ANGPT1: variants seen among roughly 807,000 people sequenced by gnomAD.
ANGPT1 encodes the protein angiopoietin-1.
In ANGPT1, 17 loss-of-function variants were observed where a neutral mutation model predicts 62.2. That is an observed-to-expected ratio of 0.27 (90% CI 0.19 to 0.41). The LOEUF is 0.41. Ranked by LOEUF, ANGPT1 falls within the 10% of genes least tolerant of loss-of-function variation. ANGPT1 has a pLI of 1.00. For missense variants in ANGPT1, 478 were observed against 594.9 expected, an observed-to-expected ratio of 0.80 and a Z score of 2.04; for synonymous variants, 199 against 198.9, an observed-to-expected ratio of 1.00 and a Z score of 0.00.
intron 1 of ANGPT1, among the ~76,000 whole-genome samples, chr8:107,377,221 T>A (rs1392918152): frequency 2.0e-5 from 3 of 152,236 alleles, no homozygotes; most frequent in Admixed American, 1.3e-4. Context: ...TACATCAACA[T>A]TTTTTAATGT....
chr8:107,492,280 G>A (rs922513777), intron 1 of ANGPT1, among the ~76,000 whole-genome samples: 4 of 152,112 alleles, frequency 2.6e-5, no homozygotes, highest in African/African-American at 9.7e-5. Context: ...CATAAATTGT[G>A]CATGTATCTT....
chr8:107,481,819 C>T (rs1481832083), intron 1 of ANGPT1, among the ~76,000 whole-genome samples: 1 of 152,090 alleles, frequency 6.6e-6, no homozygotes, highest in Admixed American at 6.5e-5. Context: ...CACTCACTAT[C>T]GTGAGAACTC....
At chr8:107,254,229 C>G (rs377455676) in intron 8 of ANGPT1, among the ~76,000 whole-genome samples, 1 of 151,894 alleles carries the variant, frequency 6.6e-6, no homozygotes, top group Non-Finnish European at 1.5e-5. Context: ...GATAGATACC[C>G]CAAAATGTAA....
At chr8:107,300,533 T>C (rs938551747) in intron 5 of ANGPT1, among the ~76,000 whole-genome samples, 5 of 151,874 alleles carry the variant, frequency 3.3e-5, no homozygotes, top group Admixed American at 2.6e-4. Context: ...CACCACACTC[T>C]GCTAGTATTT....
At chr8:107,272,992 T>C (rs558213229) in intron 7 of ANGPT1, among the ~76,000 whole-genome samples, 22 of 152,014 alleles carry the variant, frequency 1.4e-4, no homozygotes, top group African/African-American at 5.3e-4. Flanking sequence ...CTTGGCATCA[T>C]GTGTGACTGA....
At chr8:107,405,951 A>T (rs1817140051) in intron 1 of ANGPT1, among the ~76,000 whole-genome samples, 1 of 151,678 alleles carries the variant, frequency 6.6e-6, no homozygotes, top group Admixed American at 6.6e-5. Context: ...TACAACTTCA[A>T]CTCATATTTT....
At chr8:107,406,087 T>C (rs921647078) in intron 1 of ANGPT1, among the ~76,000 whole-genome samples, 1 of 151,364 alleles carries the variant, frequency 6.6e-6, no homozygotes, top group Non-Finnish European at 1.5e-5. Context: ...TTTTCATTAA[T>C]AATTAAAATA....
At chr8:107,268,860 G>A (rs766348726) in intron 7 of ANGPT1, among the ~76,000 whole-genome samples, 2 of 151,864 alleles carry the variant, frequency 1.3e-5, no homozygotes, top group Non-Finnish European at 2.9e-5. Context: ...CAAGTAGAAG[G>A]GACTGATATA....
chr8:107,304,289 T>C (rs1814663998), intron 4 of ANGPT1, among the ~76,000 whole-genome samples: 1 of 151,732 alleles, frequency 6.6e-6, no homozygotes, highest in African/African-American at 2.4e-5. Flanking sequence ...ATTTAATAGT[T>C]CTTAGCTAAA....
chr8:107,479,826 T>A (rs912350706), intron 1 of ANGPT1, among the ~76,000 whole-genome samples: 5 of 152,172 alleles, frequency 3.3e-5, no homozygotes, highest in African/African-American at 4.8e-5. Context: ...GTGTGGATGG[T>A]CTATGAAGCT....
rs149196268 is a variant in ANGPT1, at chr8:107,389,256, C to T, written c.298-42159G>A. On this transcript the variant is annotated intron_variant, in intron 1 of 8. Transcript: ENST00000517746. ...TGAGGACAACATGTTTTCTTCCTAT[C>T]TCTTGGGTTTGTTCTGATCATGGCA... is the stretch of plus-strand genomic sequence containing the variant. 8.5e-5 allele frequency among the ~76,000 whole-genome samples: 13 copies of T among 152,254 alleles called. No homozygotes were observed. The East Asian group carries it at 2.5e-3, about 29-fold the overall frequency.
chr8:107,295,373 T>A (rs1035804662), intron 5 of ANGPT1: 9 of 150,402 alleles, frequency 6.0e-5, no homozygotes, highest in African/African-American at 2.2e-4. Context: ...TCAGTCAACA[T>A]AACCTCGAGC....
chr8:107,435,086 C>T (rs1417705040), intron 1 of ANGPT1, among the ~76,000 whole-genome samples: 1 of 152,016 alleles, frequency 6.6e-6, no homozygotes, highest in African/African-American at 2.4e-5. Context: ...ATAATATTTT[C>T]ATAGTAGTTG....
chr8:107,271,853 T>C (rs1214082525), intron 7 of ANGPT1, among the ~76,000 whole-genome samples: 3 of 150,082 alleles, frequency 2.0e-5, no homozygotes, highest in Non-Finnish European at 4.4e-5. Context: ...GTTGAATGAA[T>C]CCAATATATA....
At chr8:107,457,975 T>G (rs1280627899) in intron 1 of ANGPT1, among the ~76,000 whole-genome samples, 1 of 151,944 alleles carries the variant, frequency 6.6e-6, no homozygotes, top group Non-Finnish European at 1.5e-5. Context: ...ATAAAAGCTA[T>G]TCTTTAAAAA....
intron 2 of ANGPT1, among the ~76,000 whole-genome samples, chr8:107,338,135 A>T (rs1815613854): frequency 6.6e-6 from 1 of 151,878 alleles, no homozygotes; most frequent in Admixed American, 6.6e-5. Flanking sequence ...ACACCAATAG[A>T]CCCTGGGCTG....
rs1288818255 is a variant in ANGPT1, at chr8:107,346,971, T to G, written c.424A>C (p.Thr142Pro). 6.2e-7 allele frequency: 1 copy of G among 1,613,128 alleles called. No homozygotes were observed. The highest frequency in any genetic ancestry group is 1.7e-5 in the Admixed American group (1 of 59,974). ...GTCTCAACATCTGTCAGCTTTCTGG[T>G]CTGCTCTGCAGTCTGAGAGAGGAGG... The part of the protein sequence containing the change: ...TSLLSQTAEQ[T>P]RKLTDVETQV... Residue 142 changes from threonine to proline, a missense_variant, in exon 2 of 9, where the codon ACC (threonine) becomes CCC (proline). Coordinates refer to ENST00000517746, the MANE Select transcript of ANGPT1 (RefSeq NM_001146.5).
chr8:107,468,529 T>C (rs967545822), intron 1 of ANGPT1, among the ~76,000 whole-genome samples: 8 of 152,068 alleles, frequency 5.3e-5, no homozygotes, highest in African/African-American at 1.4e-4. Context: ...CAATTTTATA[T>C]CATCTACATA....
intron 4 of ANGPT1, among the ~76,000 whole-genome samples, chr8:107,308,493 T>A (rs1814773670): frequency 6.6e-6 from 1 of 152,106 alleles, no homozygotes; most frequent in Non-Finnish European, 1.5e-5. Flanking sequence ...AGAGAGAGAA[T>A]GCAGACAATT....
Sources: gnomAD v4.1 joint callset for allele counts (sites outside exome capture counted in the v4.1 genomes callset) on GRCh38, gnomAD v4.1.1 for gene constraint, MANE v1.5 for transcripts, NCBI Gene and HGNC (gene_info 2026-07-23, HGNC 2026-07-21) for gene names.